Variants in DIP2B observed in about 807,000 individuals in gnomAD.
DIP2B encodes the protein disco-interacting protein 2 homolog B.
In DIP2B, 76 loss-of-function variants were observed where a neutral mutation model predicts 198.0. The observed-to-expected ratio is 0.38, with a 90% CI of 0.32 to 0.46. DIP2B has a LOEUF of 0.46. DIP2B is among the 20% of genes least tolerant of loss of function. The pLI is 0.99. For missense variants in DIP2B, 1,559 were observed against 1,978.4 expected, an observed-to-expected ratio of 0.79 and a Z score of 4.02; for synonymous variants, 701 against 739.1, an observed-to-expected ratio of 0.95 and a Z score of 0.84.
chr12:50,637,556 G>A (rs1938181998), intron 2 of DIP2B, among the ~76,000 whole-genome samples: 1 of 152,150 alleles, frequency 6.6e-6, no homozygotes, highest in Admixed American at 6.6e-5. Context: ...TCCTTATTAT[G>A]TGGGCTGGGA....
At chr12:50,600,885 T>C (rs12826509) in intron 1 of DIP2B, among the ~76,000 whole-genome samples, 230 of 145,020 alleles carry the variant, frequency 1.6e-3, no homozygotes, top group Non-Finnish European at 1.9e-3. Flanking sequence ...ATCACCACCA[T>C]GACCACCATC....
intron 1 of DIP2B, among the ~76,000 whole-genome samples, chr12:50,522,571 A>G (rs1215872281): frequency 1.3e-5 from 2 of 152,196 alleles, no homozygotes; most frequent in Non-Finnish European, 2.9e-5. Flanking sequence ...AAACCTACAC[A>G]GACATGGGGA....
intron 1 of DIP2B, among the ~76,000 whole-genome samples, chr12:50,518,005 G>A (rs950063246): frequency 5.9e-5 from 9 of 152,162 alleles, no homozygotes; most frequent in African/African-American, 2.2e-4. Flanking sequence ...CATATACCTT[G>A]CCTGGCTAGT....
intron 1 of DIP2B, among the ~76,000 whole-genome samples, chr12:50,542,257 A>AG (rs1429533783): frequency 6.6e-6 from 1 of 151,610 alleles, no homozygotes; most frequent in Non-Finnish European, 1.5e-5. Context: ...TCAAAAAAAA[A>AG]AAAAAAAAGA....
chr12:50,694,213 C>A (rs1939267098), intron 14 of DIP2B, among the ~76,000 whole-genome samples: 1 of 152,094 alleles, frequency 6.6e-6, no homozygotes, highest in Admixed American at 6.6e-5. Flanking sequence ...GCATATACCA[C>A]AGCCGGGCAC....
At chr12:50,654,357 T>C (rs1938517295) in intron 3 of DIP2B, among the ~76,000 whole-genome samples, 1 of 139,034 alleles carries the variant, frequency 7.2e-6, no homozygotes, top group South Asian at 2.2e-4. Context: ...TCTTTCTTTC[T>C]TTTTTTTTTT....
At position 50,691,056 on chromosome 12, in the gene DIP2B, C is replaced by T. The variant is rs1939214353; in HGVS notation, c.1559C>T (p.Thr520Ile). ...GTEPAYIEYK[T>I]SKEGSVMGVT... ...TCTGTTTTTGTTTTCTAGTATAAAA[C>T]AAGCAAAGAAGGGAGTGTAATGGGA... Residue 520 changes from threonine to isoleucine, a missense_variant, in exon 13 of 38, where the codon ACA becomes ATA. By Grantham distance (89) the Thr-to-Ile change is moderately conservative. Coordinates refer to ENST00000301180, the MANE Select transcript of DIP2B (RefSeq NM_173602.3). The T allele has an allele frequency of 6.2e-7, 1 of 1,613,470 alleles. No individual in the cohort carries two copies. Among genetic ancestry groups the T allele is most frequent in the Admixed American group, 1.7e-5 (1 of 59,894 alleles).
chr12:50,721,306 C>G lies in DIP2B; in HGVS notation c.3076C>G (p.Leu1026Val), dbSNP rs1939832250. ...TGTATGCACAGCCAGCTGCCTTCAG[C>G]TTCATAAGCGAGCAGAGAGGATTGC... ...TTVCTASCLQLHKRAERIASV... is the reference protein window; with the variant it reads ...TTVCTASCLQVHKRAERIASV... Residue 1026 changes from leucine (L) to valine (V), a missense_variant, in exon 26 of 38, where the codon CTT (leucine) becomes GTT (valine). By Grantham distance (32) the Leu-to-Val change is conservative. Coordinates refer to ENST00000301180, the MANE Select transcript of DIP2B (RefSeq NM_173602.3). The G allele has an allele frequency of 6.2e-7, 1 of 1,614,034 alleles. No homozygotes were observed. The highest frequency in any genetic ancestry group is 1.1e-5 in the South Asian group (1 of 91,084).
At chr12:50,519,903 TTTTTTC>T (rs1171797836) in intron 1 of DIP2B, among the ~76,000 whole-genome samples, 1 of 151,952 alleles carries the variant, frequency 6.6e-6, no homozygotes, top group Non-Finnish European at 1.5e-5. Context: ...TGCAAGATTT[TTTTTTC>T]TTTTTCTTTC....
intron 34 of DIP2B, among the ~76,000 whole-genome samples, chr12:50,735,550 C>T (rs372608902): frequency 2.2e-3 from 336 of 152,150 alleles, no homozygotes; most frequent in African/African-American, 7.6e-3. Flanking sequence ...TCACTGCAAC[C>T]TCTGCCTCCC....
At chr12:50,688,039 C>T (rs1356245730) in intron 12 of DIP2B, among the ~76,000 whole-genome samples, 1 of 151,858 alleles carries the variant, frequency 6.6e-6, no homozygotes, top group East Asian at 1.9e-4. Flanking sequence ...AGTGAAACCC[C>T]GTTTCTACTA....
At chr12:50,629,727 C>G (rs902581235) in intron 2 of DIP2B, among the ~76,000 whole-genome samples, 2 of 152,128 alleles carry the variant, frequency 1.3e-5, no homozygotes, top group African/African-American at 4.8e-5. Flanking sequence ...ACCACCATTA[C>G]TAACCCCTCC....
chr12:50,700,188 A>T (rs988493932), intron 19 of DIP2B, among the ~76,000 whole-genome samples: 18 of 152,234 alleles, frequency 1.2e-4, no homozygotes, highest in African/African-American at 4.3e-4. Flanking sequence ...TTGTGGGGCC[A>T]GCACATTCTA....
intron 1 of DIP2B, among the ~76,000 whole-genome samples, chr12:50,527,236 G>GT (rs1958174967): frequency 6.6e-6 from 1 of 152,164 alleles, no homozygotes; most frequent in Non-Finnish European, 1.5e-5. Flanking sequence ...GTTTATTCTA[G>GT]TTTATGCAAA....
rs574440661 is a variant in DIP2B, at chr12:50,511,165, C to T, written c.100+5925C>T. On this transcript the variant is annotated intron_variant, in intron 1 of 37. Coordinates refer to ENST00000301180, the MANE Select transcript of DIP2B (RefSeq NM_173602.3). ...TTTCACCAGTTGACCAGGCTGGTCT[C>T]GAACTCTTGACCTTGTGATCCGCCT... is the stretch of plus-strand genomic sequence containing the variant. 2.7e-4 allele frequency among the ~76,000 whole-genome samples: 41 copies of T among 151,124 alleles called. No individual in the cohort carries two copies. In the East Asian group the frequency reaches 3.1e-3, roughly 12 times the overall value.
intron 1 of DIP2B, among the ~76,000 whole-genome samples, chr12:50,603,808 A>G (rs4238106): frequency 6.6e-6 from 1 of 151,958 alleles, no homozygotes; most frequent in African/African-American, 2.4e-5. Flanking sequence ...CATTTTATTT[A>G]TTAGGAAGAT....
chr12:50,590,659 A>G (rs1958811383), intron 1 of DIP2B, among the ~76,000 whole-genome samples: 1 of 152,198 alleles, frequency 6.6e-6, no homozygotes, highest in Non-Finnish European at 1.5e-5. Flanking sequence ...GAGAGCCACC[A>G]TGCCTGGCAT....
At chr12:50,721,613 CT>C (rs1939837309) in intron 26 of DIP2B, among the ~76,000 whole-genome samples, 1 of 152,098 alleles carries the variant, frequency 6.6e-6, no homozygotes, top group Admixed American at 6.5e-5. Flanking sequence ...GTTTTTGTAC[CT>C]TTAGATTTCT....
Position 50,601,590 on chromosome 12 carries a change from G to A in DIP2B, c.101-24386G>A, listed in dbSNP as rs547677316. On this transcript the variant is annotated intron_variant, in intron 1 of 37. Coordinates refer to ENST00000301180, the MANE Select transcript of DIP2B (RefSeq NM_173602.3). Reference sequence around the variant, plus strand: ...CCTGACCTCGTGATCCGCCCACCTCGGCCTCCCAAAGTACTGGGATTACAG... The same window carrying A: ...CCTGACCTCGTGATCCGCCCACCTCAGCCTCCCAAAGTACTGGGATTACAG... Among the ~76,000 whole-genome samples, 155 of 152,068 alleles carry A rather than the reference G, an allele frequency of 1.0e-3. 1 individual carries two copies. The Middle Eastern group carries it at 0.017, about 17-fold the overall frequency.
Sources: gnomAD v4.1 joint callset for allele counts (sites outside exome capture counted in the v4.1 genomes callset) on GRCh38, gnomAD v4.1.1 for gene constraint, MANE v1.5 for transcripts, NCBI Gene and HGNC (gene_info 2026-07-23, HGNC 2026-07-21) for gene names.